Variants in SLC35B3 observed in about 807,000 individuals in gnomAD.
The protein encoded by SLC35B3 is solute carrier family 35 member B3, also known as adenosine 3'-phospho 5'-phosphosulfate transporter 2.
Under a neutral mutation model 44.1 loss-of-function variants are expected in SLC35B3, and 35 were observed. The observed-to-expected ratio is 0.79, with a 90% CI of 0.61 to 1.05. The LOEUF (loss-of-function observed/expected upper bound fraction) is 1.05. Among genes scored for constraint, SLC35B3 ranks in the 50% least tolerant of loss-of-function variants. The pLI, the probability that SLC35B3 is intolerant of heterozygous loss-of-function variation, is 0.00. For synonymous variants in SLC35B3, 146 were observed against 167.3 expected, an observed-to-expected ratio of 0.87 and a Z score of 0.98; for missense variants, 414 against 476.4, an observed-to-expected ratio of 0.87 and a Z score of 1.22.
chr6:8,427,970 A>C lies in SLC35B3; in HGVS notation c.386T>G (p.Ile129Arg). ...TTTGTCCTGAATAAGCTGAAGTTCT[A>C]TTAGGCCAAATATGGAGTAAAAGGC... is the stretch of plus-strand genomic sequence containing the variant. The change falls in exon 4 of 11, where the codon ATA becomes AGA. Residue 129 changes from isoleucine to arginine, a missense_variant. Physicochemically the swap from Ile to Arg is moderately conservative, Grantham distance 97. Coordinates refer to ENST00000644923, the MANE Select transcript of SLC35B3 (RefSeq NM_001370476.2). 6.2e-7 allele frequency: 1 copy of C among 1,612,924 alleles called. No homozygotes were observed. Among genetic ancestry groups the C allele is most frequent in the Middle Eastern group, 1.7e-4 (1 of 6,058 alleles).
Position 8,434,331 on chromosome 6 carries a change from C to G in SLC35B3, c.3+54G>C. The G allele has an allele frequency of 6.5e-7, 1 of 1,549,774 alleles. No individual in the cohort carries two copies. Among genetic ancestry groups the G allele is most frequent in the Non-Finnish European group, 8.9e-7 (1 of 1,125,480 alleles). ...TTACGGTGTCATTAACCTGAAAAAA[C>G]GTGATTTTAACTATACTTTGCCACA... On this transcript the variant is annotated intron_variant, in intron 2 of 10. Coordinates refer to ENST00000644923, the MANE Select transcript of SLC35B3 (RefSeq NM_001370476.2). This position sits in a 1 kb window ranked among gnomAD's most constrained non-coding sequence, Gnocchi z 6.3.
Position 8,422,365 on chromosome 6 carries a change from A to G in SLC35B3, c.574+105T>C, listed in dbSNP as rs1762974104. 6.9e-6 allele frequency: 6 copies of G among 875,328 alleles called. No homozygotes were observed. In the East Asian group the frequency reaches 1.5e-4, roughly 22 times the overall value. 54.2% of individuals were successfully genotyped at this position (875,328 alleles called of 1,614,324 possible). A position where few individuals can be genotyped will look rare whatever the true frequency, so the allele number is the denominator to read the frequency against. On this transcript the variant is annotated intron_variant, in intron 5 of 10. Coordinates refer to ENST00000644923, the MANE Select transcript of SLC35B3 (RefSeq NM_001370476.2). The stretch of plus-strand genomic sequence containing the variant: ...AATTCAGAATTGTTACAATATCTAG[A>G]ATGCTCATTGAAAATGTAATAGAAG...
Position 8,430,094 on chromosome 6 carries a change from A to G in SLC35B3, c.67T>C (p.Ser23Pro), listed in dbSNP as rs1763821551. ...ATTTTGCTGCATTCAATGCTTTCAG[A>G]GTTATTTTTGTTGGTTTCCTGGACT... The change falls in exon 3 of 11, where the codon TCT becomes CCT. Residue 23 changes from serine to proline, a missense_variant. Physicochemically the swap from Ser to Pro is moderately conservative, Grantham distance 74 (BLOSUM62 -1). Coordinates refer to ENST00000644923, the MANE Select transcript of SLC35B3 (RefSeq NM_001370476.2). The G allele has an allele frequency of 1.2e-6, 2 of 1,613,182 alleles. No homozygotes were observed. Among genetic ancestry groups the G allele is most frequent in the Middle Eastern group, 1.6e-4 (1 of 6,078 alleles).
At position 8,417,502 on chromosome 6, in the gene SLC35B3, A is replaced by G; in HGVS notation, c.781-8T>C. ...TGAATACGAATACAATACCTAGAGCAGATAAAAATAAAGCAGAAAAAAGTA... is the reference window on the plus strand; with the variant it reads ...TGAATACGAATACAATACCTAGAGCGGATAAAAATAAAGCAGAAAAAAGTA... On this transcript the variant is annotated splice_region_variant and splice_polypyrimidine_tract_variant and intron_variant, in intron 7 of 10. Transcript: ENST00000644923. The G allele has an allele frequency of 6.6e-7, 1 of 1,521,722 alleles. No homozygotes were observed. The highest frequency in any genetic ancestry group is 8.9e-7 in the Non-Finnish European group (1 of 1,127,214). 94.3% of individuals were successfully genotyped at this position (1,521,722 alleles called of 1,614,324 possible).
chr6:8,420,649 T>C lies in SLC35B3; in HGVS notation c.682+72A>G. ...CTGTCACACTATCATTTAAAATGCT[T>C]ACAAAATATTCGAAATTCGTATTCT... On this transcript the variant is annotated intron_variant, in intron 6 of 10. Coordinates refer to ENST00000644923, the MANE Select transcript of SLC35B3 (RefSeq NM_001370476.2). This position sits in a 1 kb window ranked among gnomAD's most constrained non-coding sequence, Gnocchi z 4.4. 4 of 1,158,844 alleles carry C rather than the reference T, an allele frequency of 3.5e-6. No individual in the cohort carries two copies. Among genetic ancestry groups the C allele is most frequent in the Non-Finnish European group, 5.0e-6 (4 of 793,920 alleles). The allele number at this position is 1,158,844 out of a possible 1,614,324, so 71.8% of individuals were successfully genotyped here.
Position 8,420,844 on chromosome 6 carries a change from G to A in SLC35B3, c.575-16C>T, listed in dbSNP as rs770503230. 3.8e-6 allele frequency: 6 copies of A among 1,575,924 alleles called. No homozygotes were observed. The highest frequency in any genetic ancestry group is 3.4e-5 in the South Asian group (3 of 87,686). On this transcript the variant is annotated splice_polypyrimidine_tract_variant and intron_variant, in intron 5 of 10. Coordinates refer to ENST00000644923, the MANE Select transcript of SLC35B3 (RefSeq NM_001370476.2). This position sits in a 1 kb window ranked among gnomAD's most constrained non-coding sequence, Gnocchi z 4.4. ...TAACGCTTTCCTGTATAAAACAAAC[G>A]TAAGTCCACTTCATTATGCAAATAC... is the stretch of plus-strand genomic sequence containing the variant.
chr6:8,416,866 C>A lies in SLC35B3; in HGVS notation c.985+18G>T. 7.9e-7 allele frequency: 1 copy of A among 1,269,446 alleles called. No individual in the cohort carries two copies. Among genetic ancestry groups the A allele is most frequent in the Non-Finnish European group, 1.1e-6 (1 of 899,064 alleles). 78.6% of individuals were successfully genotyped at this position (1,269,446 alleles called of 1,614,324 possible). Reference sequence around the variant, plus strand: ...GTAAATGCTTATTTTATAATCAAAGCAAGTAAATCCCTCCTACCTGTTACA... The same window carrying A: ...GTAAATGCTTATTTTATAATCAAAGAAAGTAAATCCCTCCTACCTGTTACA... On this transcript the variant is annotated intron_variant, in intron 9 of 10. Transcript: ENST00000644923.
intron 7 of SLC35B3, among the ~76,000 whole-genome samples, 162 bp from the exon 7 acceptor site, chr6:8,417,656 T>C (rs577809505): frequency 1.3e-5 from 2 of 152,294 alleles, no homozygotes; most frequent in South Asian, 4.1e-4. Context: ...TATTTGATTC[T>C]AATGTTTTAT....
Position 8,413,338 on chromosome 6 carries a change from T to G in SLC35B3, c.*211A>C, listed in dbSNP as rs1164806930. Reference sequence around the variant, plus strand: ...CATATTGACATTTTATTGTAAAGTCTGCTAGACGTGGCTCTCTTGATTGCT... The same window carrying G: ...CATATTGACATTTTATTGTAAAGTCGGCTAGACGTGGCTCTCTTGATTGCT... On this transcript the variant is annotated 3_prime_UTR_variant, in exon 11 of 11. Coordinates refer to ENST00000644923, the MANE Select transcript of SLC35B3 (RefSeq NM_001370476.2). The G allele has an allele frequency of 1.3e-5, 6 of 461,944 alleles. No individual in the cohort carries two copies. Among genetic ancestry groups the G allele is most frequent in the Non-Finnish European group, 2.3e-5 (6 of 263,344 alleles). The allele number at this position is 461,944 out of a possible 1,614,324, so 28.6% of individuals were successfully genotyped here.
chr6:8,423,315 G>A (rs978915729), intron 4 of SLC35B3, among the ~76,000 whole-genome samples: 2 of 152,152 alleles, frequency 1.3e-5, no homozygotes, highest in Non-Finnish European at 2.9e-5. Context: ...AAAAGTTCAT[G>A]TGATTTAAAA....
chr6:8,414,589 T>C lies in SLC35B3; in HGVS notation c.1055+319A>G, dbSNP rs1204628308. Reference sequence around the variant, plus strand: ...TTAATCTCAACAACGTACACATCACTCATATTCACTCATAATGGAAACAGG... The same window carrying C: ...TTAATCTCAACAACGTACACATCACCCATATTCACTCATAATGGAAACAGG... On this transcript the variant is annotated intron_variant, in intron 10 of 10. Coordinates refer to ENST00000644923, the MANE Select transcript of SLC35B3 (RefSeq NM_001370476.2). Among the ~76,000 whole-genome samples the C allele has an allele frequency of 2.6e-5, 4 of 152,270 alleles. No individual in the cohort carries two copies. The East Asian group carries it at 7.7e-4, about 29-fold the overall frequency.
At chr6:8,426,554 C>CA (rs1763429911) in intron 4 of SLC35B3, among the ~76,000 whole-genome samples, 1 of 152,104 alleles carries the variant, frequency 6.6e-6, no homozygotes. Flanking sequence ...CTCTTGCCAC[C>CA]ACCATGTAAG....
rs1435519107 is a variant in SLC35B3, at chr6:8,416,951, A to G, written c.918T>C (p.Thr306=). 1 of 1,606,826 alleles carries G rather than the reference A, an allele frequency of 6.2e-7. No individual in the cohort carries two copies. The highest frequency in any genetic ancestry group is 1.7e-5 in the Admixed American group (1 of 58,892). ...GAACAAAGGAGATTCCAAAATATCC[A>G]GTGAGGGAAAAAAGGAACGCATAAC... is the stretch of plus-strand genomic sequence containing the variant. Residue 306 remains threonine (T), a synonymous_variant, in exon 9 of 11, where the codon ACT becomes ACC. Transcript: ENST00000644923.
intron 5 of SLC35B3, among the ~76,000 whole-genome samples, chr6:8,421,387 G>A (rs1195587609): frequency 1.3e-5 from 2 of 152,244 alleles, no homozygotes; most frequent in Admixed American, 6.5e-5. Context: ...AGTCAGTTGG[G>A]ACAATAAATG....
chr6:8,430,069 A>G lies in SLC35B3; in HGVS notation c.92T>C (p.Ile31Thr), dbSNP rs1356183171. The change falls in exon 3 of 11, where the codon ATA becomes ACA. Residue 31 changes from isoleucine (I) to threonine (T), a missense_variant. Transcript: ENST00000644923. ...ATTGTTGAACTTGAGATCCATTGTT[A>G]TTTTGCTGCATTCAATGCTTTCAGA... The G allele has an allele frequency of 1.2e-6, 2 of 1,613,676 alleles. No homozygotes were observed. Among genetic ancestry groups the G allele is most frequent in the Non-Finnish European group, 8.5e-7 (1 of 1,179,816 alleles).
intron 9 of SLC35B3, among the ~76,000 whole-genome samples, chr6:8,415,364 A>G (rs1762325487): frequency 6.6e-6 from 1 of 152,190 alleles, no homozygotes; most frequent in Non-Finnish European, 1.5e-5. Context: ...ATATACTCAT[A>G]TCTTAATAGG....
Position 8,433,616 on chromosome 6 carries a change from G to A in SLC35B3, c.3+769C>T, listed in dbSNP as rs1764199056. On this transcript the variant is annotated intron_variant, in intron 2 of 10. Coordinates refer to ENST00000644923, the MANE Select transcript of SLC35B3 (RefSeq NM_001370476.2). This position sits in a 1 kb window ranked among gnomAD's most constrained non-coding sequence, Gnocchi z 4.1. ...TGCAGAATGAAATCTCTCTAGCACTGTCTTTTCTACATGTATGCCAAAATA... is the reference window on the plus strand; with the variant it reads ...TGCAGAATGAAATCTCTCTAGCACTATCTTTTCTACATGTATGCCAAAATA... 6.6e-6 allele frequency among the ~76,000 whole-genome samples: 1 copy of A among 152,136 alleles called. No individual in the cohort carries two copies. The highest frequency in any genetic ancestry group is 1.5e-5 in the Non-Finnish European group (1 of 68,024).
rs1241508063 is a variant in SLC35B3, at chr6:8,434,619, T to A, written c.-43-189A>T. On this transcript the variant is annotated intron_variant, in intron 1 of 10. Transcript: ENST00000644923. The surrounding 1 kb of genome is among the most constrained non-coding windows in gnomAD (Gnocchi z 6.3). The stretch of plus-strand genomic sequence containing the variant: ...TAAGTAAAAATAACGCTGTCTAAAT[T>A]ATTTTGAAATGCTGCCTCTCTTCCA... Among the ~76,000 whole-genome samples, 1 of 152,146 alleles carries A rather than the reference T, an allele frequency of 6.6e-6. No homozygotes were observed. Among genetic ancestry groups the A allele is most frequent in the Non-Finnish European group, 1.5e-5 (1 of 68,026 alleles).
At chr6:8,418,616 T>G (rs1305331157) in intron 7 of SLC35B3, among the ~76,000 whole-genome samples, 4 of 149,260 alleles carry the variant, frequency 2.7e-5, no homozygotes, top group African/African-American at 4.9e-5. Flanking sequence ...CACAAAAAGA[T>G]GAAATAACTT....
Sources: allele counts gnomAD v4.1 joint callset (sites outside exome capture counted in the v4.1 genomes callset), GRCh38; gene constraint gnomAD v4.1.1; non-coding constraint Gnocchi (gnomAD v3.1); transcripts MANE v1.5; gene names NCBI Gene and HGNC (gene_info 2026-07-23, HGNC 2026-07-21).